The following CNNM4 variants were observed in gnomAD, a reference collection of about 807,000 sequenced individuals.
CNNM4 encodes the protein cyclin and CBS domain divalent metal cation transport mediator 4.
A neutral mutation model predicts 53.7 loss-of-function variants in CNNM4; 32 were observed. The ratio of observed to expected loss-of-function variants is 0.60; its 90% confidence interval spans 0.45 to 0.80. The LOEUF (loss-of-function observed/expected upper bound fraction) is 0.80, where lower values mean the gene tolerates loss of function less well. Among genes scored for constraint, CNNM4 ranks in the 30% least tolerant of loss-of-function variants. The probability of loss-of-function intolerance (pLI) is 0.00; values close to 1 mark genes in which losing one functional copy is unlikely to be tolerated. For missense variants in CNNM4, 784 were observed against 1,022.0 expected (o/e 0.77, Z 3.17); for synonymous variants, 410 against 440.0 (o/e 0.93, Z 0.85).
chr2:96,766,668 A>G (rs1389175786), intron 1 of CNNM4, among the ~76,000 whole-genome samples: 2 of 151,986 alleles, frequency 1.3e-5, no homozygotes, highest in Non-Finnish European at 2.9e-5. Context: ...GTCTCCTCCC[A>G]CTGGCATATA....
Position 96,803,739 on chromosome 2 carries a change from C to G in CNNM4, c.1948+4091C>G, listed in dbSNP as rs1032770175. Among the ~76,000 whole-genome samples the G allele has an allele frequency of 1.1e-4, 16 of 150,890 alleles. No homozygotes were observed. In the South Asian group the frequency reaches 3.1e-3, roughly 30 times the overall value. ...GAAACTCTGTCTAAAAAAAAAAAAA[C>G]CTTGCAGTTTTTGTTTTATTTATTT... On this transcript the variant is annotated intron_variant, in intron 5 of 6. Transcript: ENST00000377075.
At chr2:96,803,451 G>A (rs1450336293) in intron 5 of CNNM4, among the ~76,000 whole-genome samples, 1 of 152,068 alleles carries the variant, frequency 6.6e-6, no homozygotes, top group Non-Finnish European at 1.5e-5. Flanking sequence ...TTGGCCGTGC[G>A]CGGTGGCTCA....
intron 1 of CNNM4, among the ~76,000 whole-genome samples, chr2:96,791,588 CAAA>C (rs56887981): frequency 1.7e-5 from 2 of 120,086 alleles, no homozygotes; most frequent in Non-Finnish European, 3.6e-5. Flanking sequence ...GACTCCGTCT[CAAA>C]AAAAAAAAAA....
chr2:96,804,561 T>C (rs369620951), intron 5 of CNNM4, among the ~76,000 whole-genome samples: 17 of 152,086 alleles, frequency 1.1e-4, no homozygotes, highest in African/African-American at 3.9e-4. Flanking sequence ...ACCACCACCC[T>C]TGGCTAATTT....
At chr2:96,774,764 G>C (rs1362650588) in intron 1 of CNNM4, among the ~76,000 whole-genome samples, 2 of 151,992 alleles carry the variant, frequency 1.3e-5, no homozygotes, top group Admixed American at 6.6e-5. Context: ...AGGAGTTCGA[G>C]ACCAGCCTGA....
At chr2:96,798,026 A>G (rs976481513) in intron 3 of CNNM4, among the ~76,000 whole-genome samples, 3 of 151,980 alleles carry the variant, frequency 2.0e-5, no homozygotes, top group Admixed American at 6.6e-5. Flanking sequence ...CCATCTCTAC[A>G]AAAAATACAA....
chr2:96,790,605 C>T (rs1461276935), intron 1 of CNNM4, among the ~76,000 whole-genome samples: 3 of 151,128 alleles, frequency 2.0e-5, no homozygotes, highest in South Asian at 2.1e-4. Context: ...CCGCCTGCCT[C>T]GGCCTCCCAA....
chr2:96,775,919 T>C (rs936083774), intron 1 of CNNM4, among the ~76,000 whole-genome samples: 1 of 150,680 alleles, frequency 6.6e-6, no homozygotes, highest in African/African-American at 2.4e-5. Flanking sequence ...GAGAATGTGG[T>C]CTTGCATTGT....
chr2:96,789,736 A>G (rs369634079), intron 1 of CNNM4, among the ~76,000 whole-genome samples: 8 of 151,272 alleles, frequency 5.3e-5, no homozygotes, highest in African/African-American at 1.9e-4. Context: ...TGTGTCGCCC[A>G]GGCTGGAGTA....
chr2:96,761,748 A>C lies in CNNM4; in HGVS notation c.749A>C (p.Asn250Thr). 6.2e-7 allele frequency: 1 copy of C among 1,610,756 alleles called. No homozygotes were observed. ...CTTCTCTGCTCGTTGCTCCTAGGGA[A>C]CGTGCTGGTCAACACCTCCCTCACA... Reference protein sequence around the residue: ...NYLLCSLLLGNVLVNTSLTIL... With the variant: ...NYLLCSLLLGTVLVNTSLTIL... The change falls in exon 1 of 7, where the codon AAC (asparagine) becomes ACC (threonine). Residue 250 changes from asparagine to threonine, a missense_variant. Asn to Thr is a moderately conservative substitution (Grantham distance 65). Coordinates refer to ENST00000377075, the MANE Select transcript of CNNM4 (RefSeq NM_020184.4). The surrounding 1 kb of genome is among the most constrained non-coding windows in gnomAD (Gnocchi z 6.0).
chr2:96,790,300 C>T (rs1169562175), intron 1 of CNNM4, among the ~76,000 whole-genome samples: 1 of 151,948 alleles, frequency 6.6e-6, no homozygotes, highest in African/African-American at 2.4e-5. Flanking sequence ...GCCACCGCAC[C>T]CGGCCTAGAA....
rs895477800 is a variant in CNNM4, at chr2:96,800,414, C to T, written c.1948+766C>T. Among the ~76,000 whole-genome samples the T allele has an allele frequency of 2.0e-5, 3 of 152,224 alleles. No individual in the cohort carries two copies. The highest frequency in any genetic ancestry group is 7.2e-5 in the African/African-American group (3 of 41,460). On this transcript the variant is annotated intron_variant, in intron 5 of 6. Transcript: ENST00000377075. The surrounding 1 kb of genome is among the most constrained non-coding windows in gnomAD (Gnocchi z 4.6). ...GAGAACAGGCCACGCCAGTGGGGTA[C>T]GAGCTGCAGCTCCCAGAGAACCTCT...
intron 1 of CNNM4, among the ~76,000 whole-genome samples, chr2:96,770,435 A>G (rs2078858424): frequency 6.6e-6 from 1 of 152,160 alleles, no homozygotes; most frequent in Admixed American, 6.6e-5. Context: ...CGTAAGTAAA[A>G]GTCTGGGAAG....
In CNNM4 at chr2:96,809,734, G is replaced by A; in HGVS notation, c.*217G>A. ...CAGCCCTGGATAGGGGGGGCAGTGGGCCAGCTACCGTAAGCAAAGGCTGTT... is the reference window on the plus strand; with the variant it reads ...CAGCCCTGGATAGGGGGGGCAGTGGACCAGCTACCGTAAGCAAAGGCTGTT... On this transcript the variant is annotated 3_prime_UTR_variant, in exon 7 of 7. Transcript: ENST00000377075. 1 of 493,974 alleles carries A rather than the reference G, an allele frequency of 2.0e-6. No individual in the cohort carries two copies. The allele number at this position is 493,974 out of a possible 1,614,324, so 30.6% of individuals were successfully genotyped here.
chr2:96,761,081 G>A lies in CNNM4; in HGVS notation c.82G>A (p.Val28Met). The A allele has an allele frequency of 6.8e-7, 1 of 1,461,866 alleles. No homozygotes were observed. The highest frequency in any genetic ancestry group is 9.1e-7 in the Non-Finnish European group (1 of 1,103,100). The allele number at this position is 1,461,866 out of a possible 1,614,324, so 90.6% of individuals were successfully genotyped here. A position where few individuals can be genotyped will look rare whatever the true frequency, so the allele number is the denominator to read the frequency against. ...CCTCCTGGCGGCGCCGGTGCTGCTG[G>A]TGCTGCTGTGGGCGCTGGGGGCCCG... Reference protein sequence around the residue: ...RLLLAAPVLLVLLWALGARGQ... With the variant: ...RLLLAAPVLLMLLWALGARGQ... Residue 28 changes from valine to methionine, a missense_variant, in exon 1 of 7, where the codon GTG (valine) becomes ATG (methionine). By Grantham distance (21) the Val-to-Met change is conservative. This residue lies in a region of CNNM4 where 473 missense variants were observed against 624.6 expected (regional missense o/e 0.76). Coordinates refer to ENST00000377075, the MANE Select transcript of CNNM4 (RefSeq NM_020184.4). This position sits in a 1 kb window ranked among gnomAD's most constrained non-coding sequence, Gnocchi z 6.0.
intron 1 of CNNM4, among the ~76,000 whole-genome samples, chr2:96,769,568 A>G (rs1023922099): frequency 5.3e-5 from 8 of 151,756 alleles, no homozygotes; most frequent in African/African-American, 1.9e-4. Context: ...TGTCTCAAAA[A>G]AAAAAAAAAA....
At chr2:96,806,654 A>G (rs2153351338) in intron 5 of CNNM4, among the ~76,000 whole-genome samples, 1 of 152,356 alleles carries the variant, frequency 6.6e-6, no homozygotes, top group South Asian at 2.1e-4. Context: ...GTAACTTAAT[A>G]GTTAAATAAG....
intron 1 of CNNM4, among the ~76,000 whole-genome samples, chr2:96,791,119 CAAAA>C (rs796162631): frequency 1.3e-5 from 1 of 74,334 alleles, no homozygotes; most frequent in East Asian, 3.7e-4. Flanking sequence ...GACTCTGTCT[CAAAA>C]AAAAAAAAAA....
intron 1 of CNNM4, among the ~76,000 whole-genome samples, chr2:96,764,937 A>G (rs973361674): frequency 6.9e-6 from 1 of 144,594 alleles, no homozygotes; most frequent in African/African-American, 2.5e-5. Flanking sequence ...CAGTGAGCCC[A>G]GATCGCACCA....
Sources: gnomAD v4.1 joint callset for allele counts (sites outside exome capture counted in the v4.1 genomes callset) on GRCh38, gnomAD v4.1.1 for gene constraint, gnomAD v4.1.1 regional missense constraint, Gnocchi (gnomAD v3.1) non-coding constraint, MANE v1.5 for transcripts, NCBI Gene and HGNC (gene_info 2026-07-23, HGNC 2026-07-21) for gene names.